The following CFI variants were observed in gnomAD, a reference collection of about 807,000 sequenced individuals.
CFI encodes C3B/C4B inactivator.
A neutral mutation model predicts 78.8 loss-of-function variants in CFI; 66 were observed. That is an observed-to-expected ratio of 0.84 (90% CI 0.69 to 1.03). CFI has a LOEUF of 1.03. Among genes scored for constraint, CFI ranks in the 50% least tolerant of loss-of-function variants. The probability of loss-of-function intolerance (pLI) is 0.00; values close to 1 mark genes in which losing one functional copy is unlikely to be tolerated. For missense variants in CFI, 706 were observed against 704.5 expected (o/e 1.00, Z -0.02); for synonymous variants, 250 against 232.6 (o/e 1.07, Z -0.68).
chr4:109,749,125 C>G, intron 10 of CFI, 93 bp downstream of exon 10: 1 of 1,137,380 alleles, frequency 8.8e-7, no homozygotes, highest in Non-Finnish European at 1.3e-6. Flanking sequence ...TTTGTCAGTA[C>G]CTTTTTCAGA....
At chr4:109,755,178 C>A (rs896079051) in intron 7 of CFI, among the ~76,000 whole-genome samples, 5 of 152,098 alleles carry the variant, frequency 3.3e-5, no homozygotes, top group Non-Finnish European at 7.3e-5. Context: ...AGCTAGTATG[C>A]ACATGAAGAG....
chr4:109,765,207 G>T (rs1288045168), intron 2 of CFI, among the ~76,000 whole-genome samples: 1 of 152,184 alleles, frequency 6.6e-6, no homozygotes, highest in East Asian at 1.9e-4. Flanking sequence ...AGCTCAAACA[G>T]GGAGCTTTTC....
At chr4:109,785,248 C>G (rs1288954570) in intron 1 of CFI, among the ~76,000 whole-genome samples, 1 of 152,202 alleles carries the variant, frequency 6.6e-6, no homozygotes, top group East Asian at 1.9e-4. Context: ...TCTCTTCACA[C>G]AGACACACGT....
intron 1 of CFI, chr4:109,794,454 T>G (rs1731792480): frequency 6.6e-6 from 1 of 152,226 alleles, no homozygotes; most frequent in African/African-American, 2.4e-5. Flanking sequence ...TGTTTGTTAT[T>G]GTGCTTTTCA....
rs1561298165 is a variant in CFI at position 109,756,975 on chromosome 4, A to AAGAAAGAG, written c.904+787_904+788insCTCTTTCT. On this transcript the variant is annotated intron_variant, in intron 7 of 12. Coordinates refer to ENST00000394634, the MANE Select transcript of CFI (RefSeq NM_000204.5). ...AAAGAAAGAAAGAAAGAAAGAAAGA[A>AAGAAAGAG]AGAAATTCTGAGGAGGATCATGAAC... Among the ~76,000 whole-genome samples the AAGAAAGAG allele has an allele frequency of 2.8e-5, 4 of 143,630 alleles. 1 individual carries two copies. The highest frequency in any genetic ancestry group is 1.0e-4 in the African/African-American group (4 of 38,948). 94.2% of individuals were successfully genotyped at this position (143,630 alleles called of 152,430 possible).
Position 109,801,973 on chromosome 4 carries a change from T to C in CFI, c.-2A>G. On this transcript the variant is annotated 5_prime_UTR_variant, in exon 1 of 13. Transcript: ENST00000394634. ...CAGGAAAACATGAAGAAGCTTCATG[T>C]TGGAGGTGTTCGGGGTCTTTGTCTC... 6.2e-7 allele frequency: 1 copy of C among 1,612,002 alleles called. No homozygotes were observed. The highest frequency in any genetic ancestry group is 8.5e-7 in the Non-Finnish European group (1 of 1,178,244).
At chr4:109,766,424 A>G (rs1727755861) in intron 2 of CFI, 130 bp downstream of exon 2, 1 of 991,124 alleles carries the variant, frequency 1.0e-6, no homozygotes, top group Admixed American at 1.9e-5. Context: ...TCCAATTATT[A>G]TTGAGAGTCT....
intron 3 of CFI, 145 bp downstream of exon 3, chr4:109,764,392 C>A: frequency 1.1e-6 from 1 of 906,410 alleles, no homozygotes; most frequent in Non-Finnish European, 1.8e-6. Context: ...GAATGCATAT[C>A]ATCCTCATAA....
At chr4:109,777,994 G>A (rs993969289) in intron 1 of CFI, among the ~76,000 whole-genome samples, 2 of 151,366 alleles carry the variant, frequency 1.3e-5, no homozygotes, top group African/African-American at 2.4e-5. Context: ...TGTGTAGAGC[G>A]AAATTTATAG....
intron 2 of CFI, 38 bp from the exon 3 acceptor site, chr4:109,764,728 CA>C (rs1464370173): frequency 6.3e-7 from 1 of 1,584,390 alleles, no homozygotes; most frequent in Admixed American, 1.7e-5. Context: ...AATATGTAGC[CA>C]TTCACTTTTT....
At chr4:109,767,611 T>A (rs542625080) in intron 1 of CFI, among the ~76,000 whole-genome samples, 1,551 of 150,612 alleles carry the variant, frequency 0.01, 33 homozygotes, top group African/African-American at 0.036. Context: ...AGAATGGCGA[T>A]CATTAAAAAG....
At chr4:109,740,452 T>C (rs897434248), downstream of CFI, among the ~76,000 whole-genome samples, 1 of 152,212 alleles carries the variant, frequency 6.6e-6, no homozygotes, top group Non-Finnish European at 1.5e-5. Flanking sequence ...CTGTGACAGG[T>C]ACTATGCCAA....
chr4:109,752,949 T>TTATATG (rs1561291934), intron 7 of CFI, among the ~76,000 whole-genome samples: 1 of 64,446 alleles, frequency 1.6e-5, no homozygotes, highest in Admixed American at 2.4e-4. Context: ...TAAATATTTA[T>TTATATG]AATACATATT....
chr4:109,752,981 A>ATTTAT (rs1561292104), intron 7 of CFI, among the ~76,000 whole-genome samples: 8 of 109,192 alleles, frequency 7.3e-5, no homozygotes, highest in South Asian at 5.0e-4. Context: ...TATTATATGA[A>ATTTAT]TAAATATTTA....
intron 1 of CFI, among the ~76,000 whole-genome samples, chr4:109,783,044 C>A (rs769258025): frequency 6.6e-6 from 1 of 152,092 alleles, no homozygotes; most frequent in African/African-American, 2.4e-5. Context: ...GGATTAAGGA[C>A]TTAAACCTAA....
intron 1 of CFI, among the ~76,000 whole-genome samples, chr4:109,796,920 A>C (rs1050200978): frequency 4.6e-5 from 7 of 152,240 alleles, no homozygotes; most frequent in African/African-American, 1.7e-4. Context: ...GAAAGAAATT[A>C]AAGTAGGCAC....
downstream of CFI, among the ~76,000 whole-genome samples, chr4:109,740,113 G>A (rs903200720): frequency 6.6e-6 from 1 of 152,060 alleles, no homozygotes; most frequent in South Asian, 2.1e-4. Context: ...GGGCATCAAA[G>A]CAAGATGCCT....
At chr4:109,759,001 G>C (rs998041217) in intron 6 of CFI, among the ~76,000 whole-genome samples, 1 of 152,214 alleles carries the variant, frequency 6.6e-6, no homozygotes, top group Non-Finnish European at 1.5e-5. Context: ...GCTGAGGTGG[G>C]AGAATCCCTT....
intron 1 of CFI, among the ~76,000 whole-genome samples, chr4:109,798,387 C>T (rs939931004): frequency 8.6e-5 from 13 of 152,040 alleles, no homozygotes; most frequent in Non-Finnish European, 1.3e-4. Flanking sequence ...GTGGTGAATA[C>T]GTTTATGGCA....
Sources: gnomAD v4.1 joint callset for allele counts (sites outside exome capture counted in the v4.1 genomes callset) on GRCh38, gnomAD v4.1.1 for gene constraint, MANE v1.5 for transcripts, NCBI Gene and HGNC (gene_info 2026-07-23, HGNC 2026-07-21) for gene names.